Variants in CLNK observed in about 807,000 individuals in gnomAD.
CLNK encodes the protein cytokine dependent hematopoietic cell linker.
CLNK carries 74 observed loss-of-function variants against 68.6 expected under a neutral mutation model. The ratio of observed to expected loss-of-function variants is 1.08; its 90% CI spans 0.89 to 1.31. The LOEUF is 1.31. CLNK is among the 50% of genes most tolerant of loss of function. The pLI is 0.00. For synonymous variants in CLNK, 198 were observed against 172.2 expected (o/e 1.15, Z -1.17); for missense variants, 553 against 515.3 (o/e 1.07, Z -0.71).
intron 2 of CLNK, 92 bp downstream of exon 2, chr4:10,667,767 T>A (rs992617794): frequency 2.7e-5 from 34 of 1,260,384 alleles, no homozygotes; most frequent in Non-Finnish European, 3.6e-5. Flanking sequence ...GCGGCCACAT[T>A]GGCATCATTT....
chr4:10,594,457 G>T (rs1435487512), intron 3 of CLNK, among the ~76,000 whole-genome samples: 1 of 152,210 alleles, frequency 6.6e-6, no homozygotes, highest in African/African-American at 2.4e-5. Flanking sequence ...CACAGGGAGG[G>T]CTTATTTCAA....
intron 7 of CLNK, 119 bp from the exon 8 acceptor site, chr4:10,558,571 G>T: frequency 1.2e-6 from 1 of 856,844 alleles, no homozygotes; most frequent in Non-Finnish European, 1.9e-6. Flanking sequence ...TGGGCTCTCT[G>T]GTTTTCAATG....
chr4:10,581,811 T>C (rs1720795080), intron 4 of CLNK, among the ~76,000 whole-genome samples: 1 of 152,116 alleles, frequency 6.6e-6, no homozygotes, highest in Admixed American at 6.6e-5. Context: ...AATGAAATAA[T>C]AGAGACATTT....
chr4:10,509,401 T>C (rs1206050852), intron 16 of CLNK, among the ~76,000 whole-genome samples: 3 of 152,174 alleles, frequency 2.0e-5, no homozygotes, highest in Admixed American at 2.0e-4. Flanking sequence ...GCTTGTACTC[T>C]GGACACACAC....
At chr4:10,633,084 T>C (rs1193666207) in intron 2 of CLNK, among the ~76,000 whole-genome samples, 2 of 152,128 alleles carry the variant, frequency 1.3e-5, no homozygotes, top group African/African-American at 4.8e-5. Context: ...ATTACAGGCA[T>C]GTGCTACCAC....
At chr4:10,507,134 C>T (rs1012496781) in intron 17 of CLNK, among the ~76,000 whole-genome samples, 42 of 145,260 alleles carry the variant, frequency 2.9e-4, no homozygotes, top group Admixed American at 4.1e-4. Flanking sequence ...GTTTTTGAGA[C>T]GAAGTCTTGC....
intron 3 of CLNK, among the ~76,000 whole-genome samples, chr4:10,589,968 G>A (rs1196207765): frequency 6.6e-6 from 1 of 152,182 alleles, no homozygotes; most frequent in Non-Finnish European, 1.5e-5. Flanking sequence ...GCCACAGCTG[G>A]ATGGTGTTAT....
chr4:10,532,380 T>C, intron 11 of CLNK, 97 bp from the exon 12 acceptor site: 1 of 992,894 alleles, frequency 1.0e-6, no homozygotes, highest in Non-Finnish European at 1.6e-6. Flanking sequence ...TACATTTTCA[T>C]TGCCAAATTA....
intron 12 of CLNK, 43 bp from the exon 13 acceptor site, chr4:10,528,137 A>G (rs1718395709): frequency 9.3e-7 from 1 of 1,078,114 alleles, no homozygotes; most frequent in African/African-American, 1.6e-5. Context: ...ACTCTTGATG[A>G]CAGAGAATTT....
At chr4:10,694,141 G>A in the CLNK span, among the ~76,000 whole-genome samples, 8 of 151,652 alleles carry the variant, frequency 5.3e-5, no homozygotes, top group South Asian at 2.1e-4. Flanking sequence ...CAATTGCCAC[G>A]TCAGTCTTTT....
chr4:10,548,467 G>A (rs1719321697), intron 8 of CLNK, among the ~76,000 whole-genome samples: 2 of 152,246 alleles, frequency 1.3e-5, no homozygotes, highest in Admixed American at 6.5e-5. Flanking sequence ...TTTCTACTCC[G>A]TTGATTCTTT....
At position 10,566,111 on chromosome 4, in the gene CLNK, G is replaced by A; in HGVS notation, c.190C>T (p.His64Tyr). The A allele has an allele frequency of 6.2e-7, 1 of 1,613,798 alleles. No individual in the cohort carries two copies. Among genetic ancestry groups the A allele is most frequent in the Non-Finnish European group, 8.5e-7 (1 of 1,179,806 alleles). ...GGGTCATCATAGTCATCATCACTGT[G>A]GCCTTTTGCTCCATCCAGGACTGCA... The part of the protein sequence containing the change: ...FAAVLDGAKG[H>Y]SDDDYDDPEL... The change falls in exon 6 of 19, where the codon CAC (histidine) becomes TAC (tyrosine). Residue 64 changes from histidine to tyrosine, a missense_variant. By Grantham distance (83) the His-to-Tyr change is moderately conservative. Transcript: ENST00000226951.
intron 1 of CLNK, among the ~76,000 whole-genome samples, chr4:10,678,598 A>G (rs1447410198): frequency 2.0e-5 from 3 of 152,208 alleles, no homozygotes; most frequent in South Asian, 2.1e-4. Context: ...TTAAAATAGA[A>G]CTTCTTCAGG....
At chr4:10,502,585 T>C (rs183206236) in intron 17 of CLNK, among the ~76,000 whole-genome samples, 317 of 151,906 alleles carry the variant, frequency 2.1e-3, no homozygotes, top group Middle Eastern at 0.01. Flanking sequence ...TTCTGCTTGA[T>C]GCTCGGGTAT....
the CLNK span, among the ~76,000 whole-genome samples, chr4:10,690,014 T>A: frequency 5.3e-5 from 8 of 152,106 alleles, no homozygotes; most frequent in Non-Finnish European, 1.2e-4. Flanking sequence ...GGAATCTCCA[T>A]GTGAGCTGAA....
At chr4:10,700,002 A>ATGTGTGTGTG in the CLNK span, among the ~76,000 whole-genome samples, 8 of 39,834 alleles carry the variant, frequency 2.0e-4, no homozygotes, top group East Asian at 8.6e-4. Context: ...CTGTGTGTGC[A>ATGTGTGTGTG]TATGTGTGTG....
At chr4:10,686,541 C>G (rs1462619163), upstream of CLNK, among the ~76,000 whole-genome samples, 1 of 150,986 alleles carries the variant, frequency 6.6e-6, no homozygotes, top group East Asian at 1.9e-4. Flanking sequence ...GCCAGCTAGG[C>G]CCATGTACAC....
chr4:10,648,173 C>T (rs575407799), intron 2 of CLNK, among the ~76,000 whole-genome samples: 3 of 152,154 alleles, frequency 2.0e-5, no homozygotes, highest in Non-Finnish European at 4.4e-5. Flanking sequence ...TAATGAGATA[C>T]CTCATATTTA....
At chr4:10,709,228 A>G in the CLNK span, among the ~76,000 whole-genome samples, 1 of 152,214 alleles carries the variant, frequency 6.6e-6, no homozygotes, top group African/African-American at 2.4e-5. Context: ...AGTGGAATGT[A>G]CTTTACATAG....
Sources: gnomAD v4.1 joint callset for allele counts (sites outside exome capture counted in the v4.1 genomes callset) on GRCh38, gnomAD v4.1.1 for gene constraint, MANE v1.5 for transcripts, NCBI Gene and HGNC (gene_info 2026-07-23, HGNC 2026-07-21) for gene names.